ZMAT4: variants seen among roughly 807,000 people sequenced by gnomAD.
The protein encoded by ZMAT4 is zinc finger matrin-type protein 4.
ZMAT4 carries 17 observed loss-of-function variants against 28.7 expected under a neutral mutation model. The observed-to-expected ratio is 0.59, with a 90% CI of 0.41 to 0.89. ZMAT4 has a LOEUF of 0.89. Among genes scored for constraint, ZMAT4 ranks in the 40% least tolerant of loss-of-function variants. The pLI is 0.00. For missense variants in ZMAT4, 240 were observed against 283.8 expected (o/e 0.85, Z 1.11); for synonymous variants, 117 against 109.2 (o/e 1.07, Z -0.44).
chr8:40,722,716 C>T (rs942927726), intron 3 of ZMAT4, among the ~76,000 whole-genome samples: 1 of 152,182 alleles, frequency 6.6e-6, no homozygotes, highest in Non-Finnish European at 1.5e-5. Flanking sequence ...TCCCTGCTCA[C>T]AGTCAGGAGG....
At chr8:40,654,287 C>G (rs1376955285) in intron 5 of ZMAT4, among the ~76,000 whole-genome samples, 1 of 152,112 alleles carries the variant, frequency 6.6e-6, no homozygotes, top group East Asian at 1.9e-4. Context: ...TTAGAAGTTT[C>G]CTGAACCTCC....
intron 6 of ZMAT4, among the ~76,000 whole-genome samples, chr8:40,542,586 A>T (rs1306871432): frequency 6.6e-6 from 1 of 151,970 alleles, no homozygotes; most frequent in Non-Finnish European, 1.5e-5. Context: ...ACGGTGTGGC[A>T]CTATGTTGCC....
At chr8:40,706,608 C>G (rs1249585451) in intron 3 of ZMAT4, among the ~76,000 whole-genome samples, 1 of 152,120 alleles carries the variant, frequency 6.6e-6, no homozygotes, top group African/African-American at 2.4e-5. Context: ...CTTTACTACC[C>G]CAAAATAAAT....
intron 2 of ZMAT4, among the ~76,000 whole-genome samples, chr8:40,824,677 A>C (rs895567154): frequency 3.5e-5 from 5 of 141,918 alleles, no homozygotes; most frequent in Non-Finnish European, 7.9e-5. Flanking sequence ...GGAAAGAAAG[A>C]AAGCAAAGAA....
intron 3 of ZMAT4, among the ~76,000 whole-genome samples, chr8:40,721,962 G>C (rs1236458785): frequency 6.6e-6 from 1 of 151,792 alleles, no homozygotes; most frequent in Non-Finnish European, 1.5e-5. Flanking sequence ...GGGAAAACTG[G>C]CTAGCCATAT....
intron 5 of ZMAT4, among the ~76,000 whole-genome samples, chr8:40,582,464 G>A (rs1349483493): frequency 2.0e-5 from 3 of 152,046 alleles, no homozygotes; most frequent in East Asian, 3.9e-4. Flanking sequence ...ATGACAGCCT[G>A]GATGACAGAG....
intron 2 of ZMAT4, among the ~76,000 whole-genome samples, chr8:40,788,083 A>G (rs552647404): frequency 4.6e-5 from 7 of 152,338 alleles, no homozygotes; most frequent in Admixed American, 4.6e-4. Context: ...TGAGATCAGT[A>G]AAACTGATAA....
intron 5 of ZMAT4, among the ~76,000 whole-genome samples, chr8:40,596,200 G>A (rs1245942183): frequency 7.2e-5 from 11 of 152,130 alleles, no homozygotes; most frequent in Admixed American, 7.2e-4. Context: ...AGTTGCTCTG[G>A]GTGAGTCAGT....
chr8:40,745,615 C>G (rs1437672217), intron 3 of ZMAT4, among the ~76,000 whole-genome samples: 2 of 152,086 alleles, frequency 1.3e-5, no homozygotes, highest in Admixed American at 6.5e-5. Context: ...AGCACGATGG[C>G]TCTGAGAGAG....
At chr8:40,864,676 G>T (rs1817617105) in intron 1 of ZMAT4, among the ~76,000 whole-genome samples, 1 of 152,116 alleles carries the variant, frequency 6.6e-6, no homozygotes, top group Non-Finnish European at 1.5e-5. Flanking sequence ...GATGACAGTT[G>T]GGTTGTGACC....
chr8:40,612,655 T>A (rs1805841054), intron 5 of ZMAT4, among the ~76,000 whole-genome samples: 1 of 137,046 alleles, frequency 7.3e-6, no homozygotes, highest in Admixed American at 7.4e-5. Context: ...ACCTGATATC[T>A]TCACCTGAGT....
chr8:40,875,658 CCCCAGGGCACCGCCAAG>C (rs1818017558), intron 1 of ZMAT4, among the ~76,000 whole-genome samples: 1 of 152,030 alleles, frequency 6.6e-6, no homozygotes, highest in Non-Finnish European at 1.5e-5. Context: ...AGCGCTTCAG[CCCCAGGGCACCGCCAAG>C]CCCAGGATGG....
intron 5 of ZMAT4, among the ~76,000 whole-genome samples, chr8:40,612,981 T>G (rs572415306): frequency 1.3e-5 from 2 of 149,814 alleles, no homozygotes; most frequent in African/African-American, 4.9e-5. Context: ...GCCGGCTAAT[T>G]TTTGTATTTT....
chr8:40,605,922 C>CA (rs1179927789), intron 5 of ZMAT4, among the ~76,000 whole-genome samples: 1 of 152,108 alleles, frequency 6.6e-6, no homozygotes, highest in Non-Finnish European at 1.5e-5. Flanking sequence ...TATCATTATA[C>CA]AATGTCCCTC....
chr8:40,820,262 G>A lies in ZMAT4; in HGVS notation c.102+5313C>T, dbSNP rs565052198. Among the ~76,000 whole-genome samples the A allele has an allele frequency of 8.7e-5, 13 of 149,278 alleles. No individual in the cohort carries two copies. The Admixed American group carries it at 8.7e-4, about 10-fold the overall frequency. On this transcript the variant is annotated intron_variant, in intron 2 of 6. Transcript: ENST00000297737. ...CGTGTGCGCATATATGTGAGTATTGGTGTGTGTCTGTAGATGTGTATTTAT... is the reference window on the plus strand; with the variant it reads ...CGTGTGCGCATATATGTGAGTATTGATGTGTGTCTGTAGATGTGTATTTAT...
At chr8:40,895,031 G>A (rs1197673061) in intron 1 of ZMAT4, among the ~76,000 whole-genome samples, 1 of 152,184 alleles carries the variant, frequency 6.6e-6, no homozygotes, top group Non-Finnish European at 1.5e-5. Context: ...GATGAAAAGG[G>A]ATAACAGAAG....
intron 6 of ZMAT4, among the ~76,000 whole-genome samples, chr8:40,578,647 G>T (rs553172383): frequency 1.3e-5 from 2 of 151,900 alleles, no homozygotes; most frequent in Non-Finnish European, 1.5e-5. Flanking sequence ...AAGCATGCCC[G>T]CACATGATAT....
At chr8:40,776,925 CTT>C (rs36090424) in intron 2 of ZMAT4, among the ~76,000 whole-genome samples, 89 of 141,348 alleles carry the variant, frequency 6.3e-4, no homozygotes, top group Non-Finnish European at 6.3e-4. Flanking sequence ...CGATTTCTTT[CTT>C]TTTTTTTTTT....
chr8:40,583,111 C>T (rs1244398333), intron 5 of ZMAT4, among the ~76,000 whole-genome samples: 1 of 152,158 alleles, frequency 6.6e-6, no homozygotes, highest in Non-Finnish European at 1.5e-5. Flanking sequence ...CCGTGGAGTT[C>T]TCCCTCACCT....
Sources: allele counts gnomAD v4.1 joint callset (sites outside exome capture counted in the v4.1 genomes callset), GRCh38; gene constraint gnomAD v4.1.1; transcripts MANE v1.5; gene names NCBI Gene and HGNC (gene_info 2026-07-23, HGNC 2026-07-21).